Variants in SUGP2 observed in about 807,000 individuals in gnomAD.
SUGP2 encodes SURP and G-patch domain containing 2, also known as SURP and G-patch domain-containing protein 2.
A neutral mutation model predicts 90.5 loss-of-function variants in SUGP2; 24 were observed. The observed-to-expected ratio is 0.27, with a 90% CI of 0.19 to 0.37. The LOEUF is 0.37. SUGP2 is among the 10% of genes least tolerant of loss of function. The pLI is 1.00. For missense variants in SUGP2, 1,233 were observed against 1,363.3 expected, an observed-to-expected ratio of 0.90 and a Z score of 1.51; for synonymous variants, 473 against 513.4, an observed-to-expected ratio of 0.92 and a Z score of 1.06.
intron 4 of SUGP2, among the ~76,000 whole-genome samples, chr19:19,011,864 AC>A (rs1427807573): frequency 6.6e-6 from 1 of 152,168 alleles, no homozygotes; most frequent in Non-Finnish European, 1.5e-5. Context: ...CCACCCCACA[AC>A]AAACATAACA....
intron 2 of SUGP2, among the ~76,000 whole-genome samples, chr19:19,030,659 G>A (rs2059118575): frequency 6.6e-6 from 1 of 152,190 alleles, no homozygotes; most frequent in Non-Finnish European, 1.5e-5. Context: ...AGTGGCTCAT[G>A]CCTATAATCC....
intron 7 of SUGP2, among the ~76,000 whole-genome samples, chr19:19,002,239 G>A (rs2057863332): frequency 6.6e-6 from 1 of 152,064 alleles, no homozygotes; most frequent in Non-Finnish European, 1.5e-5. Flanking sequence ...AACTAGCCAG[G>A]CGTGGTGGCG....
intron 4 of SUGP2, 142 bp downstream of exon 4, chr19:19,018,967 T>G (rs1336017320): frequency 2.1e-6 from 2 of 961,702 alleles, no homozygotes; most frequent in Non-Finnish European, 3.0e-6. Context: ...CACATAAATC[T>G]GAGCCACCCT....
At chr19:19,005,870 CACACACA>C (rs759478462) in intron 6 of SUGP2, among the ~76,000 whole-genome samples, 1 of 23,548 alleles carries the variant, frequency 4.2e-5, no homozygotes, top group African/African-American at 1.6e-4. Context: ...CACACACACA[CACACACA>C]CACACACACA....
At chr19:19,007,296 G>C (rs1371923753) in intron 6 of SUGP2, 1 of 152,250 alleles carries the variant, frequency 6.6e-6, no homozygotes, top group East Asian at 1.9e-4. Flanking sequence ...TGTCAGACCT[G>C]GGCAAGGGCT....
chr19:19,009,957 G>A lies in SUGP2; in HGVS notation c.2236C>T (p.Pro746Ser). 3 of 1,614,198 alleles carry A rather than the reference G, an allele frequency of 1.9e-6. No homozygotes were observed. Among genetic ancestry groups the A allele is most frequent in the Non-Finnish European group, 2.5e-6 (3 of 1,180,028 alleles). The change falls in exon 5 of 11, where the codon CCT becomes TCT. Residue 746 changes from proline to serine, a missense_variant. Pro to Ser is a moderately conservative substitution (Grantham distance 74, BLOSUM62 -1). Coordinates refer to ENST00000452918, the MANE Select transcript of SUGP2 (RefSeq NM_001017392.5). ...GAGGCTTCTAAGCTGGGGTCCTGAG[G>A]AGAAGGTCCAACTGGGTCTGGCGGG... The part of the protein sequence containing the change: ...DCPPDPVGPS[P>S]QDPSLEASGP...
Position 19,024,703 on chromosome 19 carries a change from G to A in SUGP2, c.1645C>T (p.Pro549Ser). 1 of 1,614,168 alleles carries A rather than the reference G, an allele frequency of 6.2e-7. No individual in the cohort carries two copies. Among genetic ancestry groups the A allele is most frequent in the East Asian group, 2.2e-5 (1 of 44,888 alleles). ...TTCTCCTCCTCTCGCATCGGCTCTG[G>A]TTCGGCTTTCTTAACCTGGAGGGGA... is the stretch of plus-strand genomic sequence containing the variant. ...GCPLQVKKAE[P>S]EPMREEEKMI... Residue 549 changes from proline (P) to serine (S), a missense_variant, in exon 3 of 11, where the codon CCA (proline) becomes TCA (serine). Around this residue, in one of 8 missense-constraint regions of SUGP2, gnomAD observed 540 missense variants for 542.6 expected, o/e 1.00. Transcript: ENST00000452918.
At chr19:19,002,919 G>A (rs1447847725) in intron 7 of SUGP2, among the ~76,000 whole-genome samples, 1 of 151,946 alleles carries the variant, frequency 6.6e-6, no homozygotes, top group Non-Finnish European at 1.5e-5. Flanking sequence ...CAAGCACTCT[G>A]ATACACTACC....
intron 1 of SUGP2, among the ~76,000 whole-genome samples, chr19:19,032,020 C>T (rs2059180052): frequency 6.6e-6 from 1 of 151,904 alleles, no homozygotes; most frequent in South Asian, 2.1e-4. Context: ...CCTTGGAATC[C>T]ATTAAAAGCA....
intron 3 of SUGP2, among the ~76,000 whole-genome samples, chr19:19,020,686 C>T (rs2058690941): frequency 6.6e-6 from 1 of 151,836 alleles, no homozygotes; most frequent in Non-Finnish European, 1.5e-5. Flanking sequence ...GATCCACCCT[C>T]CTTTACCTCC....
chr19:19,010,098 C>G lies in SUGP2; in HGVS notation c.2095G>C (p.Gly699Arg). Residue 699 changes from glycine (G) to arginine (R), a missense_variant, in exon 5 of 11, where the codon GGG (glycine) becomes CGG (arginine). Gly to Arg is a moderately radical substitution (Grantham distance 125). Around this residue, in one of 8 missense-constraint regions of SUGP2, gnomAD observed 540 missense variants for 542.6 expected, o/e 1.00. Coordinates refer to ENST00000452918, the MANE Select transcript of SUGP2 (RefSeq NM_001017392.5). ...RGWKARRATT[G>R]TQTLLSSGTR... ...CCTGAGGATAGGAGGGTCTGGGTCC[C>G]GGTGGTCGCTCTCCTCGCCTTCCAG... The G allele has an allele frequency of 1.2e-6, 2 of 1,612,646 alleles. No homozygotes were observed. Among genetic ancestry groups the G allele is most frequent in the Middle Eastern group, 3.3e-4 (2 of 6,042 alleles).
In SUGP2 at chr19:19,004,455, C is replaced by T. The variant is rs35646935; in HGVS notation, c.2642G>A (p.Arg881Gln). Reference protein sequence around the residue: ...EAEFEDEPPPREAELESPEVM... With the variant: ...EAEFEDEPPPQEAELESPEVM... ...CTCTGGGCTCTCCAGCTCAGCCTCCCGCGGAGGGGGCTCGTCTTCAAACTC... is the reference window on the plus strand; with the variant it reads ...CTCTGGGCTCTCCAGCTCAGCCTCCTGCGGAGGGGGCTCGTCTTCAAACTC... Residue 881 changes from arginine to glutamine, a missense_variant, in exon 7 of 11, where the codon CGG becomes CAG. Coordinates refer to ENST00000452918, the MANE Select transcript of SUGP2 (RefSeq NM_001017392.5). 4.4e-3 allele frequency: 7,053 copies of T among 1,614,172 alleles called. 243 individuals are homozygous for T. In the African/African-American group the frequency reaches 0.081, roughly 19 times the overall value.
chr19:19,022,243 CA>C (rs1334798829), intron 3 of SUGP2, among the ~76,000 whole-genome samples: 1 of 152,190 alleles, frequency 6.6e-6, no homozygotes, highest in Non-Finnish European at 1.5e-5. Context: ...CTCGGCCTCC[CA>C]AAGTGCTGGG....
Position 19,025,025 on chromosome 19 carries a change from T to A in SUGP2, c.1323A>T (p.Thr441=), listed in dbSNP as rs772085475. ...RLQDRLLKSV[T]PLLMACNAYE... ...AGGCATTGCAGGCCATAAGCAAAGG[T>A]GTGACACTCTTCAGAAGCCGGTCTT... Residue 441 remains threonine (T), a synonymous_variant, in exon 3 of 11, where the codon ACA becomes ACT. Coordinates refer to ENST00000452918, the MANE Select transcript of SUGP2 (RefSeq NM_001017392.5). The A allele has an allele frequency of 1.9e-6, 3 of 1,614,038 alleles. No homozygotes were observed. The highest frequency in any genetic ancestry group is 2.5e-6 in the Non-Finnish European group (3 of 1,180,048).
chr19:19,010,408 C>T, intron 4 of SUGP2, 66 bp from the exon 5 acceptor site: 1 of 1,563,402 alleles, frequency 6.4e-7, no homozygotes, highest in Non-Finnish European at 8.6e-7. Flanking sequence ...ATTGTTCCTT[C>T]AAACACAAAC....
At chr19:19,022,008 C>G (rs2058746467) in intron 3 of SUGP2, among the ~76,000 whole-genome samples, 1 of 151,292 alleles carries the variant, frequency 6.6e-6, no homozygotes, top group Non-Finnish European at 1.5e-5. Context: ...TTTTTGGAGA[C>G]AGAGTCTCGC....
chr19:18,995,948 A>G (rs1043551641), intron 8 of SUGP2, among the ~76,000 whole-genome samples: 2 of 152,128 alleles, frequency 1.3e-5, no homozygotes, highest in African/African-American at 4.8e-5. Context: ...CTGGAGACAG[A>G]CAGGGCCCTG....
In SUGP2 at chr19:18,995,128, G is replaced by A. The variant is rs2057523280; in HGVS notation, c.3128+16C>T. On this transcript the variant is annotated intron_variant, in intron 9 of 10. Transcript: ENST00000452918. Reference sequence around the variant, plus strand: ...GAGGCCCCACCCACTCCCACCCCAGGCTGCCTGCTGCGTACACGCTGACCG... The same window carrying A: ...GAGGCCCCACCCACTCCCACCCCAGACTGCCTGCTGCGTACACGCTGACCG... 2 of 1,608,452 alleles carry A rather than the reference G, an allele frequency of 1.2e-6. No homozygotes were observed. The highest frequency in any genetic ancestry group is 1.7e-6 in the Non-Finnish European group (2 of 1,178,072).
chr19:18,994,997 C>T (rs1002987542), intron 9 of SUGP2, 147 bp downstream of exon 9: 1 of 915,054 alleles, frequency 1.1e-6, no homozygotes, highest in Non-Finnish European at 1.7e-6. Flanking sequence ...AAATGATCAG[C>T]TTCTCATCTG....
Sources: gnomAD v4.1 joint callset for allele counts (sites outside exome capture counted in the v4.1 genomes callset) on GRCh38, gnomAD v4.1.1 for gene constraint, gnomAD v4.1.1 regional missense constraint, MANE v1.5 for transcripts, NCBI Gene and HGNC (gene_info 2026-07-23, HGNC 2026-07-21) for gene names.